Variants in DOCK3 observed in about 807,000 individuals in gnomAD.
The protein encoded by DOCK3 is dedicator of cytokinesis 3, also known as dedicator of cytokinesis protein 3.
Under a neutral mutation model 265.6 loss-of-function variants are expected in DOCK3, and 60 were observed. The observed-to-expected ratio is 0.23, with a 90% CI of 0.18 to 0.28. DOCK3 has a LOEUF of 0.28. Among genes scored for constraint, DOCK3 ranks in the 10% least tolerant of loss-of-function variants. DOCK3 has a pLI of 1.00. For missense variants in DOCK3, 1,981 were observed against 2,594.3 expected, an observed-to-expected ratio of 0.76 and a Z score of 5.14; for synonymous variants, 881 against 938.0, an observed-to-expected ratio of 0.94 and a Z score of 1.11.
chr3:51,203,881 CT>C (rs1195464946), intron 12 of DOCK3, among the ~76,000 whole-genome samples: 1 of 152,210 alleles, frequency 6.6e-6, no homozygotes, highest in Non-Finnish European at 1.5e-5. Context: ...ACTATCTGAT[CT>C]TTGACAAACC....
At chr3:50,862,008 C>G (rs1431820733) in intron 3 of DOCK3, among the ~76,000 whole-genome samples, 1 of 152,134 alleles carries the variant, frequency 6.6e-6, no homozygotes, top group Admixed American at 6.5e-5. Flanking sequence ...TGTATAATTG[C>G]TTCATATGAT....
In DOCK3 at chr3:50,863,948, C is replaced by G. The variant is rs553108319; in HGVS notation, c.162+22233C>G. On this transcript the variant is annotated intron_variant, in intron 3 of 52. Transcript: ENST00000266037. ...GGTGTGCAGCTCTATCGTCCACACACTCATTTCTTTTTCTTTGGATATGTA... is the reference window on the plus strand; with the variant it reads ...GGTGTGCAGCTCTATCGTCCACACAGTCATTTCTTTTTCTTTGGATATGTA... 4.6e-5 allele frequency among the ~76,000 whole-genome samples: 7 copies of G among 152,196 alleles called. No individual in the cohort carries two copies. In the East Asian group the frequency reaches 1.3e-3, roughly 29 times the overall value.
chr3:51,250,067 G>C (rs1251965662), intron 22 of DOCK3, among the ~76,000 whole-genome samples: 1 of 151,834 alleles, frequency 6.6e-6, no homozygotes, highest in Non-Finnish European at 1.5e-5. Context: ...ACAGATGCTT[G>C]AAGGCAGCAT....
intron 7 of DOCK3, among the ~76,000 whole-genome samples, chr3:51,078,446 C>T (rs2082124496): frequency 6.6e-6 from 1 of 152,034 alleles, no homozygotes; most frequent in Non-Finnish European, 1.5e-5. Context: ...AAAACTTTCT[C>T]AGAACATGGA....
In DOCK3 at chr3:51,357,972, T is replaced by G; in HGVS notation, c.4779T>G (p.Leu1593=). 1 of 1,613,978 alleles carries G rather than the reference T, an allele frequency of 6.2e-7. No individual in the cohort carries two copies. The highest frequency in any genetic ancestry group is 8.5e-7 in the Non-Finnish European group (1 of 1,179,876). ...TGTGACTCTGATAGGTTCATGTCCTTGGAGTTGGGCTAGCAGTTCATGAGA... is the reference window on the plus strand; with the variant it reads ...TGTGACTCTGATAGGTTCATGTCCTGGGAGTTGGGCTAGCAGTTCATGAGA... ...KELMQEQVHV[L]GVGLAVHEKF... The change falls in exon 46 of 53, where the codon CTT becomes CTG. Residue 1593 remains leucine (L), a synonymous_variant. Transcript: ENST00000266037.
At chr3:51,311,834 A>AT (rs1408264567) in intron 28 of DOCK3, among the ~76,000 whole-genome samples, 170 bp from the exon 29 acceptor site, 3 of 152,180 alleles carry the variant, frequency 2.0e-5, no homozygotes, top group South Asian at 4.2e-4. Flanking sequence ...TTCTGTAGAG[A>AT]TTTTTTCTAT....
chr3:50,710,527 G>A (rs1013725429), intron 1 of DOCK3, among the ~76,000 whole-genome samples: 2 of 152,188 alleles, frequency 1.3e-5, no homozygotes, highest in African/African-American at 4.8e-5. Context: ...TGACGTGGAT[G>A]TAGTAAAAAG....
At position 51,090,366 on chromosome 3, in the gene DOCK3, G is replaced by A. The variant is rs757569605; in HGVS notation, c.728G>A (p.Arg243Lys). The A allele has an allele frequency of 1.9e-6, 3 of 1,606,126 alleles. No individual in the cohort carries two copies. The highest frequency in any genetic ancestry group is 8.5e-7 in the Non-Finnish European group (1 of 1,176,398). ...TDVFFSLYDM[R>K]EGKQISERFL... The stretch of plus-strand genomic sequence containing the variant: ...GTCTTCTTTTCCTTATATGACATGA[G>A]GGAAGGCAAGCAGATCAGGTGAGAG... The change falls in exon 9 of 53, where the codon AGG becomes AAG. Residue 243 changes from arginine (R) to lysine (K), a missense_variant. Coordinates refer to ENST00000266037, the MANE Select transcript of DOCK3 (RefSeq NM_004947.5).
At chr3:50,935,148 C>T (rs928652796) in intron 5 of DOCK3, among the ~76,000 whole-genome samples, 2 of 152,062 alleles carry the variant, frequency 1.3e-5, no homozygotes, top group African/African-American at 2.4e-5. Flanking sequence ...AAAATTAGTG[C>T]CAAGGAAAGC....
intron 27 of DOCK3, among the ~76,000 whole-genome samples, chr3:51,304,852 A>G (rs957306638): frequency 4.0e-5 from 6 of 150,110 alleles, no homozygotes; most frequent in South Asian, 4.3e-4. Context: ...GGGTTCACTC[A>G]CCGTTTTGGT....
At chr3:51,130,777 AG>A (rs771817297) in intron 9 of DOCK3, among the ~76,000 whole-genome samples, 30 of 152,270 alleles carry the variant, frequency 2.0e-4, no homozygotes, top group Middle Eastern at 3.4e-3. Flanking sequence ...GAGTGATCTC[AG>A]TTCACTGCAA....
rs559224339 is a variant in DOCK3, at chr3:50,910,099, A to G, written c.218+20018A>G. Among the ~76,000 whole-genome samples the G allele has an allele frequency of 9.9e-5, 15 of 151,920 alleles. No homozygotes were observed. In the East Asian group the frequency reaches 1.6e-3, roughly 16 times the overall value. On this transcript the variant is annotated intron_variant, in intron 4 of 52. Transcript: ENST00000266037. The stretch of plus-strand genomic sequence containing the variant: ...AGTTATGCTCCTTTCTAAAATGGCT[A>G]TTCTCATTATCAGCTCTTATATTGT...
chr3:51,008,984 G>A lies in DOCK3; in HGVS notation c.316-55464G>A, dbSNP rs531396161. ...GGATGAAGCCAACTTGATCTTGGTG[G>A]ATAAGCTTTTTGATGTGCCGCTGGA... On this transcript the variant is annotated intron_variant, in intron 5 of 52. Coordinates refer to ENST00000266037, the MANE Select transcript of DOCK3 (RefSeq NM_004947.5). 3.7e-4 allele frequency among the ~76,000 whole-genome samples: 56 copies of A among 152,250 alleles called. No individual in the cohort carries two copies. In the Middle Eastern group the frequency reaches 0.01, roughly 28 times the overall value.
At chr3:51,378,322 A>G (rs1482159049) in intron 51 of DOCK3, among the ~76,000 whole-genome samples, 1 of 152,218 alleles carries the variant, frequency 6.6e-6, no homozygotes, top group East Asian at 1.9e-4. Flanking sequence ...ATGAGGAAGA[A>G]GAGGATGATG....
chr3:50,733,442 C>T (rs922194012), intron 1 of DOCK3, among the ~76,000 whole-genome samples: 2 of 152,164 alleles, frequency 1.3e-5, no homozygotes, highest in Non-Finnish European at 2.9e-5. Flanking sequence ...GTTATATTCC[C>T]TTCATGAATT....
chr3:51,379,529 C>T (rs1020350938), intron 51 of DOCK3: 137 of 985,352 alleles, frequency 1.4e-4, no homozygotes, highest in African/African-American at 1.1e-3. Context: ...CCATATGGGG[C>T]GCATCCTGGC....
Position 51,020,762 on chromosome 3 carries a change from G to A in DOCK3, c.316-43686G>A, listed in dbSNP as rs183791021. Among the ~76,000 whole-genome samples, 232 of 151,872 alleles carry A rather than the reference G, an allele frequency of 1.5e-3. 8 individuals are homozygous for A. The highest frequency in any genetic ancestry group is 5.3e-3 in the African/African-American group (219 of 41,256). On this transcript the variant is annotated intron_variant, in intron 5 of 52. Coordinates refer to ENST00000266037, the MANE Select transcript of DOCK3 (RefSeq NM_004947.5). ...GTTACTTGTTTTTGTCAGGTTTGTC[G>A]AAGATCAGATAGTTGTAGGTGTGCA...
chr3:51,219,984 T>C (rs570832701), intron 14 of DOCK3, among the ~76,000 whole-genome samples: 53 of 152,300 alleles, frequency 3.5e-4, no homozygotes, highest in Non-Finnish European at 6.0e-4. Flanking sequence ...TCACTGACTT[T>C]GTTGCAATGG....
At chr3:51,159,344 C>A (rs1290825059) in intron 11 of DOCK3, 40 bp downstream of exon 11, 1 of 1,581,420 alleles carries the variant, frequency 6.3e-7, no homozygotes, top group Admixed American at 1.7e-5. Context: ...TAAGAATGGC[C>A]CAACTTGGGA....
Sources: allele counts gnomAD v4.1 joint callset (sites outside exome capture counted in the v4.1 genomes callset), GRCh38; gene constraint gnomAD v4.1.1; transcripts MANE v1.5; gene names NCBI Gene and HGNC (gene_info 2026-07-23, HGNC 2026-07-21).